The following DIP2B variants were observed in gnomAD, a reference collection of about 807,000 sequenced individuals.
DIP2B encodes DIP2 acetate--CoA ligase B (putative).
A neutral mutation model predicts 198.0 loss-of-function variants in DIP2B; 76 were observed. The ratio of observed to expected loss-of-function variants is 0.38; its 90% confidence interval spans 0.32 to 0.46. The LOEUF is 0.46. DIP2B is among the 20% of genes least tolerant of loss of function. The pLI, the probability that DIP2B is intolerant of heterozygous loss-of-function variation, is 0.99. For synonymous variants in DIP2B, 701 were observed against 739.1 expected, an observed-to-expected ratio of 0.95 and a Z score of 0.84; for missense variants, 1,559 against 1,978.4, an observed-to-expected ratio of 0.79 and a Z score of 4.02.
Position 50,734,192 on chromosome 12 carries a change from G to A in DIP2B, c.4039G>A (p.Asp1347Asn). Residue 1347 changes from aspartate to asparagine, a missense_variant, in exon 33 of 38, where the codon GAC (aspartate) becomes AAC (asparagine). Physicochemically the swap from Asp to Asn is conservative, Grantham distance 23. Coordinates refer to ENST00000301180, the MANE Select transcript of DIP2B (RefSeq NM_173602.3). ...TGTGGATCTGAAATCACTAAGACAT[G>A]ACAGGTACAACAGATTTATTAATGC... The part of the protein sequence containing the change: ...VYVDLKSLRH[D>N]RVRLVERGAP... 6.2e-7 allele frequency: 1 copy of A among 1,614,090 alleles called. No individual in the cohort carries two copies. Among genetic ancestry groups the A allele is most frequent in the Non-Finnish European group, 8.5e-7 (1 of 1,180,002 alleles).
At position 50,712,914 on chromosome 12, in the gene DIP2B, A is replaced by G. The variant is rs539524403; in HGVS notation, c.2650-1481A>G. 3.3e-5 allele frequency among the ~76,000 whole-genome samples: 5 copies of G among 152,302 alleles called. No individual in the cohort carries two copies. The South Asian group carries it at 1.0e-3, about 32-fold the overall frequency. On this transcript the variant is annotated intron_variant, in intron 22 of 37. Transcript: ENST00000301180. ...CAATGCAAGACTCTGTCTCAAAAAA[A>G]TAAAATAAAGTTGATTGGTTCCATA... is the stretch of plus-strand genomic sequence containing the variant.
At chr12:50,671,469 ATGGTT>A (rs1565865822) in intron 5 of DIP2B, 71 bp downstream of exon 5, 2 of 1,516,664 alleles carry the variant, frequency 1.3e-6, no homozygotes, top group Non-Finnish European at 1.8e-6. Flanking sequence ...GAAATAGTTT[ATGGTT>A]TGTGTTAGGT....
At chr12:50,600,572 A>G (rs1274754186) in intron 1 of DIP2B, among the ~76,000 whole-genome samples, 2 of 152,188 alleles carry the variant, frequency 1.3e-5, no homozygotes, top group African/African-American at 4.8e-5. Flanking sequence ...TGGACAGCTC[A>G]GGAAAACATT....
At position 50,728,634 on chromosome 12, in the gene DIP2B, T is replaced by C; in HGVS notation, c.3597T>C (p.Leu1199=). The change falls in exon 30 of 38, where the codon CTT becomes CTC. Residue 1199 remains leucine, a synonymous_variant. Coordinates refer to ENST00000301180, the MANE Select transcript of DIP2B (RefSeq NM_173602.3). ...CTTCTCGGCAGATCGCCATCTGCCT[T>C]GACCCTTACTGTGGACTTGGCTTCG... ...LYSSRQIAIC[L]DPYCGLGFAL... The C allele has an allele frequency of 1.2e-6, 2 of 1,614,158 alleles. No individual in the cohort carries two copies. The highest frequency in any genetic ancestry group is 1.1e-5 in the South Asian group (1 of 91,076).
intron 37 of DIP2B, among the ~76,000 whole-genome samples, chr12:50,744,343 G>A (rs919376077): frequency 3.3e-5 from 5 of 151,926 alleles, no homozygotes; most frequent in Admixed American, 1.3e-4. Context: ...AGGAGATTCT[G>A]GACAACTCAG....
At chr12:50,700,083 A>G (rs1162892816) in intron 19 of DIP2B, among the ~76,000 whole-genome samples, 3 of 152,190 alleles carry the variant, frequency 2.0e-5, no homozygotes, top group Admixed American at 1.3e-4. Flanking sequence ...CAGTCAGACA[A>G]ATATTTTTTG....
rs1940353180 is a variant in DIP2B at position 50,747,268 on chromosome 12, TTACTC to T, written c.*2431_*2435del. The T allele has an allele frequency of 6.6e-6, 1 of 152,222 alleles. No homozygotes were observed. Among genetic ancestry groups the T allele is most frequent in the South Asian group, 2.1e-4 (1 of 4,826 alleles). 9.4% of individuals were successfully genotyped at this position (152,222 alleles called of 1,614,324 possible). ...ATCTATACTCATTCCTTCAAATACA[TTACTC>T]TGTTAATCTCAAAGTGTGGCCAACT... is the stretch of plus-strand genomic sequence containing the variant. On this transcript the variant is annotated 3_prime_UTR_variant, in exon 38 of 38. Transcript: ENST00000301180.
At chr12:50,697,197 G>C (rs1403839341) in intron 17 of DIP2B, 22 bp downstream of exon 17, 2 of 1,600,284 alleles carry the variant, frequency 1.2e-6, no homozygotes, top group African/African-American at 1.3e-5. Flanking sequence ...GATGTCAGAT[G>C]CTCTTGATGT....
chr12:50,537,099 G>T (rs1451871215), intron 1 of DIP2B, among the ~76,000 whole-genome samples: 9 of 65,274 alleles, frequency 1.4e-4, no homozygotes, highest in South Asian at 6.1e-4. Context: ...CAGATTGCTT[G>T]TTTATTATTC....
chr12:50,506,925 T>G (rs1957973454), intron 1 of DIP2B, among the ~76,000 whole-genome samples: 1 of 152,238 alleles, frequency 6.6e-6, no homozygotes, highest in Non-Finnish European at 1.5e-5. Flanking sequence ...AAATAGGAGT[T>G]GATTGCTTTC....
intron 22 of DIP2B, among the ~76,000 whole-genome samples, chr12:50,710,067 C>A (rs1426241437): frequency 6.6e-6 from 1 of 152,202 alleles, no homozygotes. Flanking sequence ...TCTGTCCCTT[C>A]ATTCTTCTTT....
At chr12:50,643,077 C>T (rs1201578308) in intron 3 of DIP2B, among the ~76,000 whole-genome samples, 2 of 149,160 alleles carry the variant, frequency 1.3e-5, no homozygotes, top group African/African-American at 4.9e-5. Flanking sequence ...TTTTAACCTT[C>T]CTTTTTCTTT....
At chr12:50,586,293 T>C (rs903012547) in intron 1 of DIP2B, among the ~76,000 whole-genome samples, 2 of 152,028 alleles carry the variant, frequency 1.3e-5, no homozygotes, top group African/African-American at 4.8e-5. Flanking sequence ...GTAGAATGGA[T>C]TGGAGGAGAC....
chr12:50,672,704 T>C (rs1447513643), intron 5 of DIP2B, among the ~76,000 whole-genome samples: 1 of 152,190 alleles, frequency 6.6e-6, no homozygotes, highest in Non-Finnish European at 1.5e-5. Context: ...TTCAAAAATA[T>C]AGGTAAAAGA....
chr12:50,533,950 C>T lies in DIP2B; in HGVS notation c.100+28710C>T, dbSNP rs1409095855. Among the ~76,000 whole-genome samples, 5 of 152,022 alleles carry T rather than the reference C, an allele frequency of 3.3e-5. 1 individual carries two copies. The East Asian group carries it at 9.7e-4, about 29-fold the overall frequency. On this transcript the variant is annotated intron_variant, in intron 1 of 37. Coordinates refer to ENST00000301180, the MANE Select transcript of DIP2B (RefSeq NM_173602.3). ...GGAGATGGGAGAAACTTTTTTCCCC[C>T]CTGTGACAGAAGGTGAAATCAGAGA...
chr12:50,563,649 C>G (rs1225989345), intron 1 of DIP2B, among the ~76,000 whole-genome samples: 5 of 151,936 alleles, frequency 3.3e-5, no homozygotes, highest in Non-Finnish European at 7.4e-5. Context: ...GTGTGGGCCA[C>G]CATACCTGGC....
chr12:50,674,233 T>C (rs1938905510), intron 5 of DIP2B, among the ~76,000 whole-genome samples: 1 of 152,168 alleles, frequency 6.6e-6, no homozygotes, highest in Non-Finnish European at 1.5e-5. Context: ...TGAGATTTGA[T>C]CTTACTAAGG....
chr12:50,605,111 G>A (rs986091087), intron 1 of DIP2B, among the ~76,000 whole-genome samples: 7 of 151,988 alleles, frequency 4.6e-5, no homozygotes, highest in African/African-American at 7.3e-5. Flanking sequence ...TGAACACCCC[G>A]ATTTGATTTA....
At chr12:50,602,524 T>C (rs1010916707) in intron 1 of DIP2B, among the ~76,000 whole-genome samples, 2 of 152,178 alleles carry the variant, frequency 1.3e-5, no homozygotes, top group Non-Finnish European at 2.9e-5. Context: ...CCCAAAGTGC[T>C]GAGATTACAG....
Sources: allele counts gnomAD v4.1 joint callset (sites outside exome capture counted in the v4.1 genomes callset), GRCh38; gene constraint gnomAD v4.1.1; transcripts MANE v1.5; gene names NCBI Gene and HGNC (gene_info 2026-07-23, HGNC 2026-07-21).